Variants in RASEF observed in about 807,000 individuals in gnomAD.
The protein encoded by RASEF is ras and EF-hand domain-containing protein.
In RASEF, 68 loss-of-function variants were observed where a neutral mutation model predicts 90.1. The observed-to-expected ratio is 0.75, with a 90% confidence interval of 0.62 to 0.92. The LOEUF (loss-of-function observed/expected upper bound fraction) is 0.92. RASEF is among the 40% of genes least tolerant of loss of function. The probability of loss-of-function intolerance (pLI) is 0.00; values close to 1 mark genes in which losing one functional copy is unlikely to be tolerated. For missense variants in RASEF, 949 were observed against 937.2 expected, an observed-to-expected ratio of 1.01 and a Z score of -0.16; for synonymous variants, 331 against 345.2, an observed-to-expected ratio of 0.96 and a Z score of 0.46.
the RASEF span, among the ~76,000 whole-genome samples, chr9:83,116,789 G>A: frequency 6.6e-6 from 1 of 151,898 alleles, no homozygotes; most frequent in Non-Finnish European, 1.5e-5. Context: ...TCAAAGATAA[G>A]GATTTGGGGG....
the RASEF span, among the ~76,000 whole-genome samples, chr9:83,145,990 T>G: frequency 2.6e-5 from 4 of 151,900 alleles, no homozygotes; most frequent in African/African-American, 9.7e-5. Context: ...TAATTTAAAA[T>G]GTAGTTATAA....
At chr9:82,997,918 C>T (rs1828951072) in intron 13 of RASEF, among the ~76,000 whole-genome samples, 1 of 152,170 alleles carries the variant, frequency 6.6e-6, no homozygotes, top group South Asian at 2.1e-4. Flanking sequence ...TAATGCTCTG[C>T]TTATCGGTAA....
In RASEF at chr9:83,015,800, C is replaced by T. The variant is rs752685126; in HGVS notation, c.765+5G>A. The stretch of plus-strand genomic sequence containing the variant: ...TTCCTACAAGTCCAGCTGCCACATG[C>T]CTACCTTTCTTAGCTTTTTAATGGT... On this transcript the variant is annotated splice_donor_5th_base_variant and intron_variant, in intron 4 of 16. Coordinates refer to ENST00000376447, the MANE Select transcript of RASEF (RefSeq NM_152573.4). 1.2e-6 allele frequency: 2 copies of T among 1,607,806 alleles called. No homozygotes were observed. The highest frequency in any genetic ancestry group is 8.5e-7 in the Non-Finnish European group (1 of 1,174,196).
At chr9:83,102,758 G>A in the RASEF span, among the ~76,000 whole-genome samples, 53 of 152,244 alleles carry the variant, frequency 3.5e-4, no homozygotes, top group African/African-American at 1.2e-3. Context: ...TGGGGCACAG[G>A]GGCCACCCCT....
intron 1 of RASEF, chr9:83,054,511 T>C (rs1587526352): frequency 1.5e-5 from 2 of 136,956 alleles, no homozygotes; most frequent in East Asian, 4.3e-4. Flanking sequence ...TAGCTCAGAG[T>C]AATTTGATCG....
At chr9:83,124,447 T>G in the RASEF span, among the ~76,000 whole-genome samples, 2 of 152,238 alleles carry the variant, frequency 1.3e-5, no homozygotes, top group Non-Finnish European at 2.9e-5. Context: ...TACCTCAATA[T>G]AAATGAGAAT....
chr9:83,178,151 G>C, the RASEF span, among the ~76,000 whole-genome samples: 1 of 152,090 alleles, frequency 6.6e-6, no homozygotes, highest in African/African-American at 2.4e-5. Context: ...TGTTCATGCT[G>C]TCATTTTAGA....
chr9:83,204,105 A>G, the RASEF span, among the ~76,000 whole-genome samples: 2,169 of 152,274 alleles, frequency 0.014, 17 homozygotes, highest in South Asian at 0.033. Flanking sequence ...GAAGATGAAT[A>G]GCTGTATTCA....
chr9:83,124,454 G>C, the RASEF span, among the ~76,000 whole-genome samples: 2 of 152,196 alleles, frequency 1.3e-5, no homozygotes, highest in Admixed American at 1.3e-4. Flanking sequence ...ATATAAATGA[G>C]AATATCTGTG....
intron 16 of RASEF, among the ~76,000 whole-genome samples, chr9:82,989,102 TTAAG>T (rs2118378162): frequency 6.6e-6 from 1 of 152,302 alleles, no homozygotes; most frequent in East Asian, 1.9e-4. Context: ...CCTGATTCTC[TTAAG>T]TGAGGGCAAC....
intron 1 of RASEF, among the ~76,000 whole-genome samples, chr9:83,058,000 C>T (rs866801522): frequency 6.6e-6 from 1 of 150,762 alleles, no homozygotes; most frequent in Middle Eastern, 3.5e-3. Context: ...TCAGGGCCAC[C>T]TTTCTACTAA....
the RASEF span, among the ~76,000 whole-genome samples, chr9:83,213,481 C>G: frequency 6.6e-6 from 1 of 152,048 alleles, no homozygotes; most frequent in Non-Finnish European, 1.5e-5. Flanking sequence ...CTCCTCAAAT[C>G]TAACAGACAC....
chr9:83,096,771 T>G, the RASEF span, among the ~76,000 whole-genome samples: 2 of 151,990 alleles, frequency 1.3e-5, no homozygotes, highest in African/African-American at 4.8e-5. Context: ...CCTCATGCTA[T>G]CCCTCCCCCC....
chr9:83,192,062 C>T, the RASEF span, among the ~76,000 whole-genome samples: 12 of 152,112 alleles, frequency 7.9e-5, no homozygotes, highest in Non-Finnish European at 1.6e-4. Flanking sequence ...ATAACAGATG[C>T]TGGCGAGATT....
rs577656987 is a variant in RASEF at position 82,986,870 on chromosome 9, A to G, written c.2117+3521T>C. On this transcript the variant is annotated intron_variant, in intron 16 of 16. Coordinates refer to ENST00000376447, the MANE Select transcript of RASEF (RefSeq NM_152573.4). ...GGAAAATTTACTTACTAATGGGACA[A>G]TGGTTATGAACGATGACCTATCAGC... Among the ~76,000 whole-genome samples the G allele has an allele frequency of 2.0e-5, 3 of 152,318 alleles. No individual in the cohort carries two copies. In the East Asian group the frequency reaches 5.8e-4, roughly 29 times the overall value.
the RASEF span, among the ~76,000 whole-genome samples, chr9:83,082,124 T>TA: frequency 1.3e-5 from 2 of 152,132 alleles, no homozygotes; most frequent in Admixed American, 1.3e-4. Flanking sequence ...CTTTAATTAG[T>TA]ATGATCTTGG....
At chr9:83,040,801 AC>A (rs1375235900) in intron 1 of RASEF, among the ~76,000 whole-genome samples, 1 of 152,188 alleles carries the variant, frequency 6.6e-6, no homozygotes, top group Non-Finnish European at 1.5e-5. Context: ...AATATACATA[AC>A]ACTGGCAAGA....
chr9:83,178,915 T>C, the RASEF span, among the ~76,000 whole-genome samples: 2 of 152,248 alleles, frequency 1.3e-5, no homozygotes, highest in Middle Eastern at 3.4e-3. Flanking sequence ...CTACTGCCAA[T>C]CCAGTCTCAC....
upstream of RASEF, among the ~76,000 whole-genome samples, chr9:83,067,857 G>C (rs1830294723): frequency 6.6e-6 from 1 of 152,106 alleles, no homozygotes; most frequent in South Asian, 2.1e-4. Flanking sequence ...TAAGACAAAA[G>C]TTTGTGTTTT....
Sources: allele counts gnomAD v4.1 joint callset (sites outside exome capture counted in the v4.1 genomes callset), GRCh38; gene constraint gnomAD v4.1.1; transcripts MANE v1.5; gene names NCBI Gene and HGNC (gene_info 2026-07-23, HGNC 2026-07-21).